The following PTPRG variants were observed in gnomAD, a reference collection of about 807,000 sequenced individuals.
PTPRG encodes the protein receptor-type tyrosine-protein phosphatase gamma.
In PTPRG, 102 loss-of-function variants were observed where a neutral mutation model predicts 165.3. The ratio of observed to expected loss-of-function variants is 0.62; its 90% CI spans 0.53 to 0.73. The LOEUF is 0.73. Ranked by LOEUF, PTPRG falls within the 30% of genes least tolerant of loss-of-function variation. The pLI is 0.00. For missense variants in PTPRG, 1,866 were observed against 1,861.4 expected (o/e 1.00, Z -0.05); for synonymous variants, 675 against 669.5 (o/e 1.01, Z -0.13).
intron 12 of PTPRG, among the ~76,000 whole-genome samples, chr3:62,206,096 C>G (rs1432278844): frequency 3.9e-5 from 6 of 152,138 alleles, no homozygotes; most frequent in Non-Finnish European, 8.8e-5. Flanking sequence ...TGACCACATT[C>G]CTGAAAAATG....
Position 62,203,802 on chromosome 3 carries a change from C to T in PTPRG, c.2007C>T (p.Asp669=), listed in dbSNP as rs773455165. 6.2e-7 allele frequency: 1 copy of T among 1,613,862 alleles called. No homozygotes were observed. Among genetic ancestry groups the T allele is most frequent in the Non-Finnish European group, 8.5e-7 (1 of 1,179,920 alleles). ...RRDAGPGLDP[D]MVTSTQVPPT... is the part of the protein sequence containing the mutation. The stretch of plus-strand genomic sequence containing the variant: ...ATGCCGGCCCAGGCCTGGACCCCGA[C>T]ATGGTCACCTCCACCCAAGTGCCCC... The change falls in exon 12 of 30, where the codon GAC becomes GAT. Residue 669 remains aspartate, a synonymous_variant. Coordinates refer to ENST00000474889, the MANE Select transcript of PTPRG (RefSeq NM_002841.4). The surrounding 1 kb of genome is among the most constrained non-coding windows in gnomAD (Gnocchi z 6.4).
At chr3:61,623,181 A>T (rs1160142709) in intron 1 of PTPRG, among the ~76,000 whole-genome samples, 1 of 152,218 alleles carries the variant, frequency 6.6e-6, no homozygotes, top group Non-Finnish European at 1.5e-5. Flanking sequence ...GAATCGTAAG[A>T]TACCAAACCT....
intron 1 of PTPRG, among the ~76,000 whole-genome samples, chr3:61,638,022 C>T (rs370719925): frequency 5.3e-5 from 8 of 152,144 alleles, no homozygotes; most frequent in Non-Finnish European, 8.8e-5. Context: ...ATTTTAAGGA[C>T]GTAATTACAA....
intron 2 of PTPRG, among the ~76,000 whole-genome samples, chr3:61,811,224 A>G (rs1026739905): frequency 6.6e-6 from 1 of 152,054 alleles, no homozygotes; most frequent in African/African-American, 2.4e-5. Context: ...ATGTGCTTGC[A>G]TGACTTTACT....
intron 1 of PTPRG, among the ~76,000 whole-genome samples, chr3:61,665,406 A>C (rs911745292): frequency 6.6e-6 from 1 of 151,384 alleles, no homozygotes; most frequent in African/African-American, 2.4e-5. Flanking sequence ...GTTATCTTGC[A>C]AGTCTGGGCC....
rs558066147 is a variant in PTPRG, at chr3:62,014,293, G to A, written c.519+10796G>A. On this transcript the variant is annotated intron_variant, in intron 4 of 29. Transcript: ENST00000474889. ...CTCAGTCCGGATTGTTTGGCCTGGCGCTGTATTGAGCACGGATACTGCTCT... is the reference window on the plus strand; with the variant it reads ...CTCAGTCCGGATTGTTTGGCCTGGCACTGTATTGAGCACGGATACTGCTCT... Among the ~76,000 whole-genome samples, 3 of 152,184 alleles carry A rather than the reference G, an allele frequency of 2.0e-5. No individual in the cohort carries two copies. The East Asian group carries it at 5.8e-4, about 29-fold the overall frequency.
chr3:62,138,733 A>AG (rs1305964528), intron 6 of PTPRG, among the ~76,000 whole-genome samples: 53 of 151,396 alleles, frequency 3.5e-4, no homozygotes, highest in African/African-American at 1.1e-3. Context: ...AAAAAAAAAA[A>AG]AAAGAAAGAC....
chr3:61,782,347 A>G (rs988494523), intron 2 of PTPRG, among the ~76,000 whole-genome samples: 3 of 152,236 alleles, frequency 2.0e-5, no homozygotes, highest in African/African-American at 7.2e-5. Flanking sequence ...TGACAAACCA[A>G]TCAGTGCTAA....
intron 10 of PTPRG, among the ~76,000 whole-genome samples, chr3:62,197,794 A>C (rs1700003601): frequency 6.6e-6 from 1 of 152,240 alleles, no homozygotes; most frequent in Non-Finnish European, 1.5e-5. Flanking sequence ...GTAATTCAAA[A>C]AGGCCCTGTC....
chr3:61,989,321 A>G (rs946232609), intron 2 of PTPRG, among the ~76,000 whole-genome samples: 2 of 152,232 alleles, frequency 1.3e-5, no homozygotes, highest in Non-Finnish European at 2.9e-5. Context: ...TTTAGGAAAC[A>G]TTTAAAAATT....
intron 1 of PTPRG, among the ~76,000 whole-genome samples, chr3:61,700,059 C>T (rs530107803): frequency 6.6e-6 from 1 of 152,020 alleles, no homozygotes; most frequent in African/African-American, 2.4e-5. Flanking sequence ...TCTGTGTGGT[C>T]CTCTTGGAAT....
At chr3:61,645,890 C>T (rs1407416928) in intron 1 of PTPRG, among the ~76,000 whole-genome samples, 1 of 152,170 alleles carries the variant, frequency 6.6e-6, no homozygotes. Flanking sequence ...CCAAAACTTT[C>T]AGTAAATTCT....
chr3:61,581,628 A>G (rs1354352991), intron 1 of PTPRG, among the ~76,000 whole-genome samples: 5 of 119,062 alleles, frequency 4.2e-5, no homozygotes, highest in Non-Finnish European at 8.8e-5. Context: ...TTTTTTTTTT[A>G]TGAGACAGTC....
At chr3:61,759,186 T>G (rs2033747466) in intron 2 of PTPRG, among the ~76,000 whole-genome samples, 1 of 152,228 alleles carries the variant, frequency 6.6e-6, no homozygotes, top group Non-Finnish European at 1.5e-5. Context: ...TATTAAAACT[T>G]AACTGTCCTA....
At chr3:61,744,971 A>G (rs996394071) in intron 1 of PTPRG, among the ~76,000 whole-genome samples, 9 of 151,028 alleles carry the variant, frequency 6.0e-5, no homozygotes, top group African/African-American at 1.9e-4. Context: ...AGATACACAC[A>G]CATTTTCTTA....
At chr3:61,907,169 A>G (rs1326768238) in intron 2 of PTPRG, among the ~76,000 whole-genome samples, 1 of 151,424 alleles carries the variant, frequency 6.6e-6, no homozygotes, top group Non-Finnish European at 1.5e-5. Context: ...AAATGGTGTC[A>G]TAGTAAATAT....
chr3:61,563,285 C>T (rs1177768642), intron 1 of PTPRG, among the ~76,000 whole-genome samples: 5 of 152,278 alleles, frequency 3.3e-5, no homozygotes, highest in Non-Finnish European at 5.9e-5. Context: ...AGTCTCGCTC[C>T]TTTCTGGCCA....
At chr3:61,703,192 A>G (rs2031069231) in intron 1 of PTPRG, among the ~76,000 whole-genome samples, 2 of 150,724 alleles carry the variant, frequency 1.3e-5, no homozygotes, top group East Asian at 1.9e-4. Context: ...GTGGACTGGC[A>G]CTTTAAGATG....
intron 2 of PTPRG, among the ~76,000 whole-genome samples, chr3:61,812,100 C>T (rs998367101): frequency 5.9e-5 from 9 of 152,108 alleles, no homozygotes; most frequent in African/African-American, 2.2e-4. Flanking sequence ...AGGATATAAA[C>T]GTGTGGTTTT....
Sources: allele counts gnomAD v4.1 joint callset (sites outside exome capture counted in the v4.1 genomes callset), GRCh38; gene constraint gnomAD v4.1.1; non-coding constraint Gnocchi (gnomAD v3.1); transcripts MANE v1.5; gene names NCBI Gene and HGNC (gene_info 2026-07-23, HGNC 2026-07-21).